Variants in XRCC5 observed in about 807,000 individuals in gnomAD.
XRCC5 encodes DNA repair protein Ku80.
XRCC5 carries 12 observed loss-of-function variants against 95.7 expected under a neutral mutation model. The ratio of observed to expected loss-of-function variants is 0.13; its 90% CI spans 0.08 to 0.20. The LOEUF (loss-of-function observed/expected upper bound fraction) is 0.20. XRCC5 is among the 10% of genes least tolerant of loss of function. The pLI is 1.00. For missense variants in XRCC5, 595 were observed against 873.9 expected, an observed-to-expected ratio of 0.68 and a Z score of 4.02; for synonymous variants, 281 against 290.3, an observed-to-expected ratio of 0.97 and a Z score of 0.33.
chr2:216,172,469 CTTTTTT>C (rs746493174), intron 16 of XRCC5, among the ~76,000 whole-genome samples: 4 of 107,800 alleles, frequency 3.7e-5, no homozygotes, highest in South Asian at 3.6e-4. Flanking sequence ...CTTTTCTTTT[CTTTTTT>C]TTTTTTTTTT....
chr2:216,160,674 A>T (rs1688935044), intron 15 of XRCC5, among the ~76,000 whole-genome samples: 1 of 151,870 alleles, frequency 6.6e-6, no homozygotes, highest in Non-Finnish European at 1.5e-5. Context: ...TTAATTAATT[A>T]ATTAATTAAT....
At position 216,109,472 on chromosome 2, in the gene XRCC5, A is replaced by G. The variant is rs770107639; in HGVS notation, c.21+15A>G. ...CGGGGAATAAGGTATAAAGAAAGCC[A>G]TGGACTTGGGCTTTACCCGGACTGG... On this transcript the variant is annotated intron_variant, in intron 1 of 20. Transcript: ENST00000392132. The G allele has an allele frequency of 3.1e-6, 5 of 1,613,754 alleles. No individual in the cohort carries two copies. The African/African-American group carries it at 6.7e-5, about 22-fold the overall frequency.
At chr2:216,138,281 C>A (rs1697121176) in intron 12 of XRCC5, 102 bp downstream of exon 12, 5 of 976,902 alleles carry the variant, frequency 5.1e-6, no homozygotes, top group Non-Finnish European at 6.3e-6. Context: ...TTATAGGGTG[C>A]AATTAGTTGG....
At chr2:216,148,312 TAC>T (rs1486478022) in intron 14 of XRCC5, 36 bp downstream of exon 14, 1 of 1,569,698 alleles carries the variant, frequency 6.4e-7, no homozygotes, top group Non-Finnish European at 8.6e-7. Context: ...AACATTGGGG[TAC>T]ATAAGAGTTG....
intron 8 of XRCC5, 52 bp from the exon 9 acceptor site, chr2:216,130,823 G>A: frequency 7.9e-7 from 1 of 1,259,424 alleles, no homozygotes; most frequent in Non-Finnish European, 1.1e-6. Flanking sequence ...ATTTCAGCTT[G>A]TAGAAAATGA....
chr2:216,114,900 C>T (rs964163105), intron 2 of XRCC5, among the ~76,000 whole-genome samples: 15 of 152,176 alleles, frequency 9.9e-5, no homozygotes, highest in Admixed American at 6.5e-4. Flanking sequence ...GCGGCCCCCT[C>T]TTAAGCAGTA....
At chr2:216,131,116 G>T (rs1696987592) in intron 9 of XRCC5, 129 bp downstream of exon 9, 5 of 1,411,490 alleles carry the variant, frequency 3.5e-6, no homozygotes, top group Non-Finnish European at 4.6e-6. Flanking sequence ...TAGTCTGGGG[G>T]TTAATGTTGC....
At chr2:216,132,454 G>C in intron 10 of XRCC5, 67 bp downstream of exon 10, 1 of 1,496,814 alleles carries the variant, frequency 6.7e-7, no homozygotes, top group Non-Finnish European at 9.3e-7. Context: ...AAAGCAAGTT[G>C]TTTGGGGCTT....
In XRCC5 at chr2:216,109,531, G is replaced by C. The variant is rs1444037285; in HGVS notation, c.21+74G>C. ...AGAGGGTGGTTCGGAAGCAGGAATCGTGGGATCGCGGTCAAGACAAAGAAT... is the reference window on the plus strand; with the variant it reads ...AGAGGGTGGTTCGGAAGCAGGAATCCTGGGATCGCGGTCAAGACAAAGAAT... On this transcript the variant is annotated intron_variant, in intron 1 of 20. Coordinates refer to ENST00000392132, the MANE Select transcript of XRCC5 (RefSeq NM_021141.4). 2.5e-6 allele frequency: 4 copies of C among 1,594,926 alleles called. No homozygotes were observed. The East Asian group carries it at 6.8e-5, about 27-fold the overall frequency.
At chr2:216,164,739 G>A (rs1391129976) in intron 16 of XRCC5, among the ~76,000 whole-genome samples, 7 of 152,268 alleles carry the variant, frequency 4.6e-5, no homozygotes, top group Non-Finnish European at 8.8e-5. Flanking sequence ...TCTACAATAC[G>A]TTTCAAACTC....
intron 19 of XRCC5, among the ~76,000 whole-genome samples, chr2:216,203,415 G>T (rs770838862): frequency 7.9e-5 from 12 of 152,186 alleles, no homozygotes; most frequent in African/African-American, 1.2e-4. Flanking sequence ...AGATAGATAT[G>T]CATTGCTAGA....
intron 18 of XRCC5, among the ~76,000 whole-genome samples, chr2:216,193,535 G>A (rs1295916708): frequency 6.6e-6 from 1 of 152,156 alleles, no homozygotes; most frequent in East Asian, 1.9e-4. Context: ...TCATCACACA[G>A]GTAACTGTTT....
At chr2:216,174,418 TAAC>T (rs1367417676) in intron 16 of XRCC5, among the ~76,000 whole-genome samples, 1 of 152,150 alleles carries the variant, frequency 6.6e-6, no homozygotes, top group African/African-American at 2.4e-5. Context: ...AAATAGTAAT[TAAC>T]AATAATCTTC....
At chr2:216,127,377 T>A (rs1447552272) in intron 7 of XRCC5, among the ~76,000 whole-genome samples, 159 bp from the exon 8 acceptor site, 2 of 152,194 alleles carry the variant, frequency 1.3e-5, no homozygotes, top group East Asian at 3.8e-4. Context: ...TGTTATGAAA[T>A]AAACTAAAAT....
chr2:216,159,507 T>G (rs1166456051), intron 14 of XRCC5, among the ~76,000 whole-genome samples: 2 of 152,138 alleles, frequency 1.3e-5, no homozygotes, highest in Admixed American at 1.3e-4. Flanking sequence ...TTTTTTTTTA[T>G]AGTTTACGAC....
intron 15 of XRCC5, 123 bp downstream of exon 15, chr2:216,160,284 TG>T: frequency 1.7e-6 from 1 of 589,758 alleles, no homozygotes. Flanking sequence ...TCACTTTCTC[TG>T]GTCCTTGCTC....
intron 16 of XRCC5, among the ~76,000 whole-genome samples, chr2:216,179,949 G>A (rs947977323): frequency 6.6e-6 from 1 of 152,192 alleles, no homozygotes; most frequent in African/African-American, 2.4e-5. Context: ...TCCGATTTTT[G>A]ATCTGTTTTG....
intron 16 of XRCC5, among the ~76,000 whole-genome samples, chr2:216,177,698 A>T (rs928829846): frequency 1.3e-5 from 2 of 152,192 alleles, no homozygotes; most frequent in Non-Finnish European, 2.9e-5. Context: ...GATTTTGAAA[A>T]TTTATAGGTT....
At chr2:216,130,486 T>A (rs886847101) in intron 8 of XRCC5, among the ~76,000 whole-genome samples, 1 of 152,288 alleles carries the variant, frequency 6.6e-6, no homozygotes, top group East Asian at 1.9e-4. Flanking sequence ...TGTGGGTCTC[T>A]AGGTTTCTGA....
Sources: allele counts gnomAD v4.1 joint callset (sites outside exome capture counted in the v4.1 genomes callset), GRCh38; gene constraint gnomAD v4.1.1; transcripts MANE v1.5; gene names NCBI Gene and HGNC (gene_info 2026-07-23, HGNC 2026-07-21).